Variants in CILK1 observed in about 807,000 individuals in gnomAD.
The protein encoded by CILK1 is serine/threonine-protein kinase ICK.
In CILK1, 47 loss-of-function variants were observed where a neutral mutation model predicts 79.2. The observed-to-expected ratio is 0.59, with a 90% CI of 0.47 to 0.76. CILK1 has a LOEUF of 0.76. CILK1 is among the 30% of genes least tolerant of loss of function. The pLI, the probability that CILK1 is intolerant of heterozygous loss-of-function variation, is 0.00. For synonymous variants in CILK1, 266 were observed against 275.9 expected (o/e 0.96, Z 0.36); for missense variants, 660 against 769.5 (o/e 0.86, Z 1.68).
intron 9 of CILK1, among the ~76,000 whole-genome samples, chr6:53,013,318 G>A (rs933000245): frequency 5.9e-5 from 9 of 152,206 alleles, no homozygotes; most frequent in Admixed American, 5.9e-4. Context: ...TTTTACAGAT[G>A]AGGAAAATGA....
intron 1 of CILK1, among the ~76,000 whole-genome samples, chr6:53,044,034 A>C (rs1330126606): frequency 6.6e-6 from 1 of 152,200 alleles, no homozygotes; most frequent in Middle Eastern, 3.2e-3. Context: ...AACTTGTGGA[A>C]AGAGTTGGCA....
Position 53,041,135 on chromosome 6 carries a change from C to CT in CILK1, c.101dup (p.Met35AsnfsTer18), listed in dbSNP as rs1377325179. 1 of 1,604,710 alleles carries CT rather than the reference C, an allele frequency of 6.2e-7. No homozygotes were observed. Among genetic ancestry groups the CT allele is most frequent in the Admixed American group, 1.7e-5 (1 of 59,994 alleles). On this transcript the variant is annotated frameshift_variant and splice_region_variant. Transcript: ENST00000676107. LOFTEE classifies it high-confidence loss of function. ...TCATGGCAGTGAAGGATCAAACTTA[C>CT]TTTTTAATAGCGATCAGCTCCCCAG...
At chr6:53,017,878 G>A (rs1299892307) in intron 7 of CILK1, among the ~76,000 whole-genome samples, 1 of 152,210 alleles carries the variant, frequency 6.6e-6, no homozygotes, top group Non-Finnish European at 1.5e-5. Context: ...AAATGAAAAT[G>A]GAGAATGAAA....
At chr6:53,027,569 T>C (rs183346619) in intron 5 of CILK1, among the ~76,000 whole-genome samples, 1 of 152,304 alleles carries the variant, frequency 6.6e-6, no homozygotes, top group East Asian at 1.9e-4. Flanking sequence ...AAGCCTGAAA[T>C]TTACATGACT....
rs1458556421 is a variant in CILK1, at chr6:53,033,429, T to G, written c.157-775A>C. ...GAGTATAGCCATGTGCACACTGTTTTCTGTTTGTATTGCTAGTTCTGTTGA... is the reference window on the plus strand; with the variant it reads ...GAGTATAGCCATGTGCACACTGTTTGCTGTTTGTATTGCTAGTTCTGTTGA... On this transcript the variant is annotated intron_variant, in intron 3 of 13. Coordinates refer to ENST00000676107, the MANE Select transcript of CILK1 (RefSeq NM_014920.5). 2.0e-5 allele frequency among the ~76,000 whole-genome samples: 3 copies of G among 152,324 alleles called. No homozygotes were observed. In the East Asian group the frequency reaches 5.8e-4, roughly 29 times the overall value.
chr6:53,029,436 T>G (rs963778287), intron 5 of CILK1, among the ~76,000 whole-genome samples: 1 of 152,240 alleles, frequency 6.6e-6, no homozygotes, highest in Non-Finnish European at 1.5e-5. Context: ...CAGTCTTGCA[T>G]AGTACATGCT....
At chr6:53,011,192 T>G (rs1764548738) in intron 11 of CILK1, among the ~76,000 whole-genome samples, 1 of 152,100 alleles carries the variant, frequency 6.6e-6, no homozygotes, top group Non-Finnish European at 1.5e-5. Context: ...CCTGGTCTGG[T>G]AGAGGGGCCT....
chr6:53,048,092 G>A (rs1484309379), intron 1 of CILK1, among the ~76,000 whole-genome samples: 1 of 152,106 alleles, frequency 6.6e-6, no homozygotes, highest in Non-Finnish European at 1.5e-5. Flanking sequence ...CAACGTGAAA[G>A]GTGCCCACTG....
At position 53,032,536 on chromosome 6, in the gene CILK1, T is replaced by C. The variant is rs1355857844; in HGVS notation, c.275A>G (p.Glu92Gly). The change falls in exon 4 of 14, where the codon GAG becomes GGG. Residue 92 changes from glutamate (E) to glycine (G), a missense_variant. Coordinates refer to ENST00000676107, the MANE Select transcript of CILK1 (RefSeq NM_014920.5). ...MKENLYQLIK[E>G]RNKLFPESAI... The stretch of plus-strand genomic sequence containing the variant: ...GATAATGATGACCAAACTGTACCTC[T>C]CTTTAATGAGCTGGTAAAGATTTTC... 6.2e-7 allele frequency: 1 copy of C among 1,604,928 alleles called. No homozygotes were observed. The highest frequency in any genetic ancestry group is 1.1e-5 in the South Asian group (1 of 89,984).
In CILK1 at chr6:53,011,904, A is replaced by C. The variant is rs1188771092; in HGVS notation, c.1357T>G (p.Leu453Val). 6.2e-7 allele frequency: 1 copy of C among 1,614,054 alleles called. No individual in the cohort carries two copies. Among genetic ancestry groups the C allele is most frequent in the Non-Finnish European group, 8.5e-7 (1 of 1,180,032 alleles). ...DDTLCRFESV[L>V]DLKPSEPVGT... ...ACAGGCTCAGAGGGCTTCAGGTCCA[A>C]AACACTCTCAAACCTGAATGAAGAG... The change falls in exon 11 of 14, where the codon TTG becomes GTG. Residue 453 changes from leucine to valine, a missense_variant. Coordinates refer to ENST00000676107, the MANE Select transcript of CILK1 (RefSeq NM_014920.5).
chr6:53,016,918 C>A (rs1378576190), intron 7 of CILK1, among the ~76,000 whole-genome samples: 1 of 152,204 alleles, frequency 6.6e-6, no homozygotes, highest in Non-Finnish European at 1.5e-5. Context: ...AGCCAAGTGG[C>A]AATACATATA....
At chr6:53,036,961 C>T (rs556286439) in intron 3 of CILK1, among the ~76,000 whole-genome samples, 1 of 152,224 alleles carries the variant, frequency 6.6e-6, no homozygotes, top group African/African-American at 2.4e-5. Context: ...TATATAACAT[C>T]TTCAATATGA....
At chr6:53,006,463 T>C (rs1490775391) in intron 12 of CILK1, 26 bp from the exon 13 acceptor site, 2 of 1,611,314 alleles carry the variant, frequency 1.2e-6, no homozygotes, top group South Asian at 2.2e-5. Flanking sequence ...AAAAAGCTCA[T>C]TATTACAAAG....
At chr6:53,043,241 G>A (rs542511198) in intron 1 of CILK1, among the ~76,000 whole-genome samples, 83 of 152,038 alleles carry the variant, frequency 5.5e-4, no homozygotes, top group Non-Finnish European at 1.0e-3. Flanking sequence ...GCTTGAACCC[G>A]GGAGGCACAG....
At position 53,012,083 on chromosome 6, in the gene CILK1, T is replaced by C. The variant is rs749150847; in HGVS notation, c.1297A>G (p.Ile433Val). The C allele has an allele frequency of 3.7e-6, 6 of 1,614,070 alleles. No homozygotes were observed. The African/African-American group carries it at 8.0e-5, about 22-fold the overall frequency. The part of the protein sequence containing the change: ...DLDFSPSLSR[I>V]DLKNKKRQSD... ...TGTCTTTTCTTGTTTTTCAGGTCAA[T>C]CCTGCTGAGGGATGGACTGAAATCC... is the stretch of plus-strand genomic sequence containing the variant. Residue 433 changes from isoleucine (I) to valine (V), a missense_variant, in exon 10 of 14, where the codon ATT becomes GTT. Coordinates refer to ENST00000676107, the MANE Select transcript of CILK1 (RefSeq NM_014920.5).
At chr6:53,038,049 T>C in intron 2 of CILK1, 56 bp from the exon 3 acceptor site, 1 of 1,245,428 alleles carries the variant, frequency 8.0e-7, no homozygotes, top group Non-Finnish European at 1.2e-6. Context: ...AGGTTAAACT[T>C]TGCTTTTAGA....
intron 1 of CILK1, among the ~76,000 whole-genome samples, chr6:53,053,170 C>G (rs966561445): frequency 2.6e-5 from 4 of 152,052 alleles, no homozygotes; most frequent in Non-Finnish European, 5.9e-5. Context: ...TTCCTTGAGT[C>G]TTTTATTTTC....
intron 5 of CILK1, among the ~76,000 whole-genome samples, chr6:53,027,280 A>G (rs1765637223): frequency 6.6e-6 from 1 of 152,230 alleles, no homozygotes; most frequent in Non-Finnish European, 1.5e-5. Flanking sequence ...ATGCATTTCT[A>G]TTTCTGGCAC....
rs549612843 is a variant in CILK1, at chr6:53,010,038, T to A, written c.1493-471A>T. The stretch of plus-strand genomic sequence containing the variant: ...AGGCACTGCAGCTTTTTTTCAGAAC[T>A]GAAAGTTTAAATTCCCCCTTTATCC... On this transcript the variant is annotated intron_variant, in intron 11 of 13. Coordinates refer to ENST00000676107, the MANE Select transcript of CILK1 (RefSeq NM_014920.5). Among the ~76,000 whole-genome samples, 3 of 152,334 alleles carry A rather than the reference T, an allele frequency of 2.0e-5. No individual in the cohort carries two copies. In the East Asian group the frequency reaches 5.8e-4, roughly 29 times the overall value.
Sources: gnomAD v4.1 joint callset for allele counts (sites outside exome capture counted in the v4.1 genomes callset) on GRCh38, gnomAD v4.1.1 for gene constraint, MANE v1.5 for transcripts, NCBI Gene and HGNC (gene_info 2026-07-23, HGNC 2026-07-21) for gene names.